The following CLHC1 variants were observed in gnomAD, a reference collection of about 807,000 sequenced individuals.
CLHC1 encodes clathrin heavy chain linker domain containing 1, also known as clathrin heavy chain linker domain-containing protein 1.
Under a neutral mutation model 69.5 loss-of-function variants are expected in CLHC1, and 72 were observed. The observed-to-expected ratio is 1.04, with a 90% CI of 0.86 to 1.26. The LOEUF is 1.26. Among genes scored for constraint, CLHC1 ranks in the 50% most tolerant of loss-of-function variants. The probability of loss-of-function intolerance (pLI) is 0.00; values close to 1 mark genes in which losing one functional copy is unlikely to be tolerated. For missense variants in CLHC1, 790 were observed against 679.3 expected (o/e 1.16, Z -1.81); for synonymous variants, 223 against 224.3 (o/e 0.99, Z 0.05).
chr2:55,221,542 A>T (rs2104055606), intron 3 of CLHC1, among the ~76,000 whole-genome samples: 1 of 152,366 alleles, frequency 6.6e-6, no homozygotes, highest in East Asian at 1.9e-4. Context: ...GATTTTAATG[A>T]TACCACAAAC....
intron 4 of CLHC1, chr2:55,215,162 G>C (rs72916789): frequency 6.6e-6 from 1 of 152,012 alleles, no homozygotes; most frequent in South Asian, 2.1e-4. Flanking sequence ...TCCATTTCTG[G>C]CAATATGACT....
intron 2 of CLHC1, chr2:55,224,907 C>A: frequency 5.6e-6 from 1 of 179,044 alleles, no homozygotes; most frequent in Non-Finnish European, 1.2e-5. Flanking sequence ...CAGCCTGCGC[C>A]AAGGATGCTG....
rs752200561 is a variant in CLHC1 at position 55,177,595 on chromosome 2, T to C, written c.1564+7A>G. On this transcript the variant is annotated splice_region_variant and intron_variant, in intron 12 of 12. Transcript: ENST00000401408. ...CTATTTCTCCCACAACATTTTATTCTACTTACCTATCCCACCTTTATTGAT... is the reference window on the plus strand; with the variant it reads ...CTATTTCTCCCACAACATTTTATTCCACTTACCTATCCCACCTTTATTGAT... The C allele has an allele frequency of 1.9e-6, 3 of 1,583,456 alleles. No homozygotes were observed. Among genetic ancestry groups the C allele is most frequent in the Non-Finnish European group, 2.6e-6 (3 of 1,161,136 alleles).
chr2:55,178,316 A>G (rs1457794831), intron 11 of CLHC1, among the ~76,000 whole-genome samples: 2 of 152,252 alleles, frequency 1.3e-5, no homozygotes, highest in African/African-American at 2.4e-5. Context: ...AAATTCAAAA[A>G]TGAAAACTTT....
intron 9 of CLHC1, among the ~76,000 whole-genome samples, chr2:55,196,893 T>C (rs905715180): frequency 3.3e-5 from 5 of 152,332 alleles, no homozygotes; most frequent in Admixed American, 2.0e-4. Flanking sequence ...AAGCAGGCTA[T>C]TGGGGTCCCC....
chr2:55,188,101 G>C (rs913020603), intron 9 of CLHC1, among the ~76,000 whole-genome samples: 2 of 152,022 alleles, frequency 1.3e-5, no homozygotes, highest in Admixed American at 6.6e-5. Context: ...ATGGCTTAAG[G>C]CCAGGAGTTT....
rs543603804 is a variant in CLHC1 at position 55,191,092 on chromosome 2, GT to G, written c.1007-9349del. ...ACAAAATCCTTTAACTACAGAAAAAGTCTATCTAGCATTCTATACCTAGTAA... is the reference window on the plus strand; with the variant it reads ...ACAAAATCCTTTAACTACAGAAAAAGCTATCTAGCATTCTATACCTAGTAA... On this transcript the variant is annotated intron_variant, in intron 9 of 12. Coordinates refer to ENST00000401408, the MANE Select transcript of CLHC1 (RefSeq NM_152385.4). Among the ~76,000 whole-genome samples, 72 of 152,224 alleles carry G rather than the reference GT, an allele frequency of 4.7e-4. 1 individual carries two copies. The highest frequency in any genetic ancestry group is 8.7e-4 in the Non-Finnish European group (59 of 68,010).
intron 2 of CLHC1, chr2:55,224,526 G>T: frequency 6.6e-6 from 2 of 302,952 alleles, no homozygotes; most frequent in South Asian, 2.8e-5. Flanking sequence ...CCTGGAGTCT[G>T]AGAAGTCCCT....
chr2:55,193,877 C>CAT (rs1345790749), intron 9 of CLHC1, among the ~76,000 whole-genome samples: 13 of 152,140 alleles, frequency 8.5e-5, no homozygotes, highest in Non-Finnish European at 1.5e-5. Flanking sequence ...AGCCCAATGA[C>CAT]CATCAACTGA....
intron 1 of CLHC1, among the ~76,000 whole-genome samples, chr2:55,231,565 C>T (rs1573819068): frequency 6.6e-6 from 1 of 152,164 alleles, no homozygotes; most frequent in Middle Eastern, 3.4e-3. Flanking sequence ...ATTCGGAACC[C>T]CTACAAGAGA....
At chr2:55,213,817 A>G (rs558064879) in intron 4 of CLHC1, among the ~76,000 whole-genome samples, 1 of 152,370 alleles carries the variant, frequency 6.6e-6, no homozygotes, top group East Asian at 1.9e-4. Context: ...AGGAACCACT[A>G]CAATGGAGAA....
Position 55,212,710 on chromosome 2 carries a change from A to C in CLHC1, c.462T>G (p.Tyr154Ter). 1 of 1,598,834 alleles carries C rather than the reference A, an allele frequency of 6.3e-7. No individual in the cohort carries two copies. Among genetic ancestry groups the C allele is most frequent in the South Asian group, 1.1e-5 (1 of 90,736 alleles). The change falls in exon 5 of 13, where the codon TAT becomes TAG. Residue 154 changes from tyrosine (Y) to a stop codon, truncating the protein, a stop_gained. Coordinates refer to ENST00000401408, the MANE Select transcript of CLHC1 (RefSeq NM_152385.4). LOFTEE classifies it high-confidence loss of function. The part of the protein sequence containing the change: ...RAEYDTKEVK[Y>*]CTFSKDPSKP... ...TTGAAGGATCTTTGGAGAAAGTACA[A>C]TATTTTACTTCTTTTGTGTCATACT...
At chr2:55,228,776 A>G (rs931301257) in intron 1 of CLHC1, among the ~76,000 whole-genome samples, 4 of 152,230 alleles carry the variant, frequency 2.6e-5, no homozygotes, top group African/African-American at 9.6e-5. Context: ...ATTATTCTAG[A>G]CAATGGAGAC....
At chr2:55,185,173 G>A (rs906162605) in intron 9 of CLHC1, among the ~76,000 whole-genome samples, 2 of 152,032 alleles carry the variant, frequency 1.3e-5, no homozygotes, top group Non-Finnish European at 2.9e-5. Flanking sequence ...CATAGCAGAC[G>A]CAGAGCCTTA....
intron 9 of CLHC1, among the ~76,000 whole-genome samples, chr2:55,193,805 C>T (rs1278982287): frequency 6.6e-6 from 1 of 152,084 alleles, no homozygotes; most frequent in African/African-American, 2.4e-5. Flanking sequence ...TATGTAACCA[C>T]ACAAAAACTT....
chr2:55,194,549 C>T (rs1273355019), intron 9 of CLHC1, among the ~76,000 whole-genome samples: 1 of 146,676 alleles, frequency 6.8e-6, no homozygotes, highest in Non-Finnish European at 1.5e-5. Context: ...TTAGCCAGTA[C>T]AATAAAGCAA....
At chr2:55,193,517 G>T (rs1198033060) in intron 9 of CLHC1, among the ~76,000 whole-genome samples, 4 of 151,956 alleles carry the variant, frequency 2.6e-5, no homozygotes, top group Non-Finnish European at 5.9e-5. Context: ...CATACAAATG[G>T]CCAAGAGACA....
intron 8 of CLHC1, among the ~76,000 whole-genome samples, chr2:55,207,966 C>T (rs1206661228): frequency 6.6e-6 from 1 of 152,104 alleles, no homozygotes; most frequent in Admixed American, 6.6e-5. Context: ...AGTCTTAAAT[C>T]TCTTTAATCT....
intron 9 of CLHC1, among the ~76,000 whole-genome samples, chr2:55,200,559 T>C (rs1165535542): frequency 2.0e-5 from 3 of 151,966 alleles, no homozygotes; most frequent in East Asian, 3.9e-4. Flanking sequence ...AAGAGAGAAA[T>C]AGACCCCAAT....
Sources: gnomAD v4.1 joint callset for allele counts (sites outside exome capture counted in the v4.1 genomes callset) on GRCh38, gnomAD v4.1.1 for gene constraint, MANE v1.5 for transcripts, NCBI Gene and HGNC (gene_info 2026-07-23, HGNC 2026-07-21) for gene names.